The following CDH4 variants were observed in gnomAD, a reference collection of about 807,000 sequenced individuals.
The protein encoded by CDH4 is cadherin-4.
In CDH4, 33 loss-of-function variants were observed where a neutral mutation model predicts 86.0. The ratio of observed to expected loss-of-function variants is 0.38; its 90% CI spans 0.29 to 0.51. The LOEUF (loss-of-function observed/expected upper bound fraction) is 0.51, where lower values mean the gene tolerates loss of function less well. Among genes scored for constraint, CDH4 ranks in the 20% least tolerant of loss-of-function variants. The pLI is 0.86. For synonymous variants in CDH4, 555 were observed against 549.4 expected (o/e 1.01, Z -0.14); for missense variants, 1,114 against 1,307.4 (o/e 0.85, Z 2.28).
Position 61,404,965 on chromosome 20 carries a change from GCTTGAA to G in CDH4, c.169+150030_169+150035del, listed in dbSNP as rs553763837. Among the ~76,000 whole-genome samples the G allele has an allele frequency of 2.6e-5, 4 of 152,288 alleles. No homozygotes were observed. The South Asian group carries it at 6.2e-4, about 24-fold the overall frequency. On this transcript the variant is annotated intron_variant, in intron 2 of 15. Transcript: ENST00000614565. The stretch of plus-strand genomic sequence containing the variant: ...TTCACGAGGCTGAGGCAGGAGAACC[GCTTGAA>G]CCTGGGAGGCGGAGGTTGCAGTGAG...
At chr20:61,553,318 G>T (rs999406912) in intron 2 of CDH4, among the ~76,000 whole-genome samples, 2 of 152,214 alleles carry the variant, frequency 1.3e-5, no homozygotes, top group Admixed American at 1.3e-4. Context: ...TGGGTGCAGG[G>T]TTTCTTTTGG....
intron 2 of CDH4, among the ~76,000 whole-genome samples, chr20:61,347,199 A>G (rs2084684608): frequency 6.6e-6 from 1 of 152,232 alleles, no homozygotes; most frequent in Non-Finnish European, 1.5e-5. Flanking sequence ...CGTGCCCCAC[A>G]TGGCCGTGAG....
intron 4 of CDH4, among the ~76,000 whole-genome samples, chr20:61,825,701 A>G (rs973187547): frequency 1.3e-5 from 2 of 152,214 alleles, no homozygotes; most frequent in Admixed American, 1.3e-4. Context: ...GTCTAGGCCC[A>G]GAGCTGTCTC....
intron 2 of CDH4, among the ~76,000 whole-genome samples, chr20:61,679,859 C>A (rs1051502789): frequency 6.6e-6 from 1 of 152,188 alleles, no homozygotes; most frequent in African/African-American, 2.4e-5. Flanking sequence ...GCTCTCAGGG[C>A]CCCCATCTGG....
intron 1 of CDH4, among the ~76,000 whole-genome samples, chr20:61,254,527 C>A (rs546065148): frequency 6.6e-6 from 1 of 152,294 alleles, no homozygotes; most frequent in South Asian, 2.1e-4. Context: ...ATTTCTCAGG[C>A]GTCTCCTCTG....
At chr20:61,828,268 C>T (rs149207889) in intron 4 of CDH4, among the ~76,000 whole-genome samples, 8 of 152,312 alleles carry the variant, frequency 5.3e-5, no homozygotes, top group Admixed American at 5.2e-4. Context: ...TTACCCGCAT[C>T]TAACGAAAGC....
At chr20:61,424,252 A>G (rs899027867) in intron 2 of CDH4, among the ~76,000 whole-genome samples, 3 of 142,646 alleles carry the variant, frequency 2.1e-5, no homozygotes, top group Non-Finnish European at 3.2e-5. Context: ...GTATCCACAC[A>G]CATATATCCA....
intron 2 of CDH4, among the ~76,000 whole-genome samples, chr20:61,552,785 C>A (rs1406922489): frequency 6.6e-6 from 1 of 151,788 alleles, no homozygotes; most frequent in East Asian, 1.9e-4. Flanking sequence ...AAGACAATAA[C>A]AAGTGTTGGC....
intron 11 of CDH4, among the ~76,000 whole-genome samples, chr20:61,927,852 G>C (rs538237729): frequency 6.6e-6 from 1 of 152,146 alleles, no homozygotes; most frequent in Admixed American, 6.5e-5. Context: ...GTGCTCTGCC[G>C]TGTCTGTTGA....
At chr20:61,803,385 G>A (rs969774908) in intron 4 of CDH4, among the ~76,000 whole-genome samples, 3 of 152,186 alleles carry the variant, frequency 2.0e-5, no homozygotes, top group African/African-American at 7.2e-5. Context: ...AGAGACGGGC[G>A]GTATTTAAAT....
intron 2 of CDH4, among the ~76,000 whole-genome samples, chr20:61,418,512 A>T (rs539447423): frequency 6.6e-6 from 1 of 152,216 alleles, no homozygotes; most frequent in East Asian, 1.9e-4. Context: ...CGCCTGGCCA[A>T]ACTTTTTTGA....
intron 9 of CDH4, among the ~76,000 whole-genome samples, chr20:61,912,847 T>C (rs1043323805): frequency 1.3e-5 from 2 of 152,180 alleles, no homozygotes; most frequent in Admixed American, 6.5e-5. Context: ...TTTCTCCTTT[T>C]CTCTGGGCGC....
chr20:61,771,474 A>C (rs567191381), intron 3 of CDH4, among the ~76,000 whole-genome samples: 13 of 151,986 alleles, frequency 8.6e-5, no homozygotes, highest in Non-Finnish European at 1.6e-4. Context: ...AAATACAAAA[A>C]TTAGCCAGAT....
intron 2 of CDH4, among the ~76,000 whole-genome samples, chr20:61,356,472 G>A (rs2084751066): frequency 6.6e-6 from 1 of 152,180 alleles, no homozygotes; most frequent in African/African-American, 2.4e-5. Context: ...GAAACACCAT[G>A]CCTCTTGCTT....
rs139524393 is a variant in CDH4 at position 61,517,112 on chromosome 20, C to A, written c.170-226451C>A. Reference sequence around the variant, plus strand: ...AGCTCCCTCAGGCCCCTTGTGGCCACGATCCCTTCACCAAAGGGTAACCAG... The same window carrying A: ...AGCTCCCTCAGGCCCCTTGTGGCCAAGATCCCTTCACCAAAGGGTAACCAG... On this transcript the variant is annotated intron_variant, in intron 2 of 15. Transcript: ENST00000614565. The surrounding 1 kb of genome is among the most constrained non-coding windows in gnomAD (Gnocchi z 6.6). Among the ~76,000 whole-genome samples the A allele has an allele frequency of 1.1e-4, 17 of 152,196 alleles. No homozygotes were observed. Among genetic ancestry groups the A allele is most frequent in the Non-Finnish European group, 2.4e-4 (16 of 68,038 alleles).
intron 2 of CDH4, among the ~76,000 whole-genome samples, chr20:61,302,246 G>A (rs1411431595): frequency 1.3e-5 from 2 of 152,134 alleles, no homozygotes; most frequent in Non-Finnish European, 2.9e-5. Flanking sequence ...AGCTGCTTTG[G>A]GCATCTTCTT....
chr20:61,265,810 A>G (rs755689072), intron 2 of CDH4, among the ~76,000 whole-genome samples: 4 of 152,230 alleles, frequency 2.6e-5, no homozygotes, highest in Admixed American at 6.5e-5. Flanking sequence ...GGAATGCTCC[A>G]GCACTTAGCC....
chr20:61,613,570 C>T (rs868664745), intron 2 of CDH4, among the ~76,000 whole-genome samples: 1 of 114,634 alleles, frequency 8.7e-6, no homozygotes, highest in Non-Finnish European at 1.8e-5. Context: ...GTTCCAAAAA[C>T]AAAATCTGGA....
chr20:61,715,273 G>A (rs1358699153), intron 2 of CDH4, among the ~76,000 whole-genome samples: 2 of 152,108 alleles, frequency 1.3e-5, no homozygotes, highest in Non-Finnish European at 2.9e-5. Context: ...TTTTCTTGCT[G>A]ATTTGAGTTC....
Sources: gnomAD v4.1 joint callset for allele counts (sites outside exome capture counted in the v4.1 genomes callset) on GRCh38, gnomAD v4.1.1 for gene constraint, Gnocchi (gnomAD v3.1) non-coding constraint, MANE v1.5 for transcripts, NCBI Gene and HGNC (gene_info 2026-07-23, HGNC 2026-07-21) for gene names.